MFN2: variants seen among roughly 807,000 people sequenced by gnomAD.
MFN2 encodes the protein mitofusin-2.
In MFN2, 43 loss-of-function variants were observed where a neutral mutation model predicts 87.5. The observed-to-expected ratio is 0.49, with a 90% CI of 0.38 to 0.63. MFN2 has a LOEUF of 0.63. Ranked by LOEUF, MFN2 falls within the 30% of genes least tolerant of loss-of-function variation. MFN2 has a pLI of 0.00. For synonymous variants in MFN2, 337 were observed against 359.9 expected (o/e 0.94, Z 0.72); for missense variants, 743 against 972.8 (o/e 0.76, Z 3.14).
At chr1:12,007,030 C>T (rs1265291235) in intron 16 of MFN2, 23 bp from the exon 17 acceptor site, 10 of 1,612,644 alleles carry the variant, frequency 6.2e-6, no homozygotes, top group Admixed American at 1.7e-5. Flanking sequence ...GGCTGCACTC[C>T]AGGCTGACCA....
intron 18 of MFN2, among the ~76,000 whole-genome samples, chr1:12,011,212 C>T (rs770949888): frequency 3.3e-5 from 5 of 152,152 alleles, no homozygotes; most frequent in East Asian, 3.9e-4. Flanking sequence ...ACTGAGTTCC[C>T]GACAGCTCAG....
rs749652300 is a variant in MFN2, at chr1:12,002,029, G to A, written c.1086G>A (p.Thr362=). 5.0e-6 allele frequency: 8 copies of A among 1,614,200 alleles called. No homozygotes were observed. Among genetic ancestry groups the A allele is most frequent in the Non-Finnish European group, 6.8e-6 (8 of 1,180,044 alleles). The change falls in exon 11 of 19, where the codon ACG becomes ACA. Residue 362 remains threonine (T), a synonymous_variant. Coordinates refer to ENST00000235329, the MANE Select transcript of MFN2 (RefSeq NM_014874.4). ...TGAAGACCAAGTTTGAGCAGCACAC[G>A]GTCCGGGCCAAGCAGATTGCAGAGG... ...SAVKTKFEQH[T]VRAKQIAEAV... is the part of the protein sequence containing the mutation.
chr1:12,001,905 A>G (rs2100840635), intron 10 of MFN2, 69 bp downstream of exon 10: 1 of 1,614,050 alleles, frequency 6.2e-7, no homozygotes, highest in South Asian at 1.1e-5. Flanking sequence ...TGTCCCTGGC[A>G]GTGAAAACCA....
At chr1:11,982,224 G>A (rs540789838) in intron 2 of MFN2, 110 bp downstream of exon 2, 1 of 152,282 alleles carries the variant, frequency 6.6e-6, no homozygotes, top group South Asian at 2.1e-4. Context: ...TCTTTGTATA[G>A]AGCCACAGCT....
At chr1:11,985,825 T>A (rs974994066) in intron 2 of MFN2, among the ~76,000 whole-genome samples, 4 of 152,154 alleles carry the variant, frequency 2.6e-5, no homozygotes, top group African/African-American at 9.7e-5. Context: ...CCACATCCCC[T>A]CTTTCTCGAA....
At chr1:11,986,240 C>G (rs1436619639) in intron 2 of MFN2, among the ~76,000 whole-genome samples, 1 of 152,186 alleles carries the variant, frequency 6.6e-6, no homozygotes, top group Non-Finnish European at 1.5e-5. Context: ...TTTTCAGGAC[C>G]TTGTGCAACA....
rs1273100262 is a variant in MFN2, at chr1:12,012,022, A to G, written c.*457A>G. The G allele has an allele frequency of 2.8e-5, 6 of 217,950 alleles. No individual in the cohort carries two copies. Among genetic ancestry groups the G allele is most frequent in the Non-Finnish European group, 4.7e-5 (5 of 105,974 alleles). 13.5% of individuals were successfully genotyped at this position (217,950 alleles called of 1,614,324 possible). On this transcript the variant is annotated 3_prime_UTR_variant, in exon 19 of 19. Coordinates refer to ENST00000235329, the MANE Select transcript of MFN2 (RefSeq NM_014874.4). ...TAAGGGACGATTGGAGTTTCTTCCC[A>G]GAGAGTCTGTCCCAGAAGGACTGTG...
intron 2 of MFN2, among the ~76,000 whole-genome samples, chr1:11,983,580 C>T (rs768332480): frequency 2.0e-5 from 3 of 152,146 alleles, no homozygotes; most frequent in African/African-American, 7.2e-5. Context: ...TCAGGCTATG[C>T]TTGCAGGATG....
chr1:12,000,471 T>C (rs1639124197), intron 8 of MFN2, among the ~76,000 whole-genome samples: 1 of 152,190 alleles, frequency 6.6e-6, no homozygotes, highest in African/African-American at 2.4e-5. Context: ...ATTACGGGCG[T>C]GAGCCACTGT....
intron 18 of MFN2, among the ~76,000 whole-genome samples, chr1:12,009,961 C>G (rs1485069215): frequency 6.6e-6 from 1 of 152,202 alleles, no homozygotes; most frequent in African/African-American, 2.4e-5. Context: ...TGAGACTAGC[C>G]TGACCAACAT....
chr1:11,993,895 T>C (rs1037127241), intron 4 of MFN2, among the ~76,000 whole-genome samples: 1 of 152,216 alleles, frequency 6.6e-6, no homozygotes, highest in Admixed American at 6.5e-5. Flanking sequence ...AAAATGAGTG[T>C]AGCAAAAATA....
At chr1:11,989,843 T>G (rs1638598309) in intron 3 of MFN2, among the ~76,000 whole-genome samples, 1 of 152,182 alleles carries the variant, frequency 6.6e-6, no homozygotes, top group Admixed American at 6.6e-5. Context: ...ACCTATGCCT[T>G]TTCTACTAGT....
chr1:12,010,826 C>T (rs948185369), intron 18 of MFN2, among the ~76,000 whole-genome samples: 4 of 152,002 alleles, frequency 2.6e-5, no homozygotes, highest in African/African-American at 9.7e-5. Flanking sequence ...ATGATAACAT[C>T]AGCACACGGG....
At chr1:11,998,508 A>C (rs1234207303) in intron 6 of MFN2, among the ~76,000 whole-genome samples, 2 of 152,094 alleles carry the variant, frequency 1.3e-5, no homozygotes, top group African/African-American at 4.8e-5. Context: ...AGATCGTGCC[A>C]TTGCACTCCA....
intron 3 of MFN2, among the ~76,000 whole-genome samples, chr1:11,990,424 C>T (rs1638626531): frequency 6.6e-6 from 1 of 152,184 alleles, no homozygotes; most frequent in African/African-American, 2.4e-5. Context: ...TATGGTGTGC[C>T]AGCCGTGTGC....
Position 12,009,579 on chromosome 1 carries a change from C to T in MFN2, c.2070-13C>T, listed in dbSNP as rs1359464341. 6 of 1,614,108 alleles carry T rather than the reference C, an allele frequency of 3.7e-6. No homozygotes were observed. The East Asian group carries it at 1.3e-4, about 36-fold the overall frequency. ...CACACACCCCAACTGGGTCCCTTCT[C>T]TCTCCTCCCCAGGGAACTGTCTGGG... On this transcript the variant is annotated splice_polypyrimidine_tract_variant and intron_variant, in intron 17 of 18. Coordinates refer to ENST00000235329, the MANE Select transcript of MFN2 (RefSeq NM_014874.4).
At chr1:11,992,213 A>G (rs1160487514) in intron 3 of MFN2, 1 of 301,424 alleles carries the variant, frequency 3.3e-6, no homozygotes. Context: ...TTGTGTTTCA[A>G]TTCGTTTGAT....
chr1:12,010,307 C>G (rs1639637252), intron 18 of MFN2, among the ~76,000 whole-genome samples: 1 of 152,246 alleles, frequency 6.6e-6, no homozygotes, highest in South Asian at 2.1e-4. Flanking sequence ...TCACAGCGCC[C>G]TGTGCTGAAC....
intron 17 of MFN2, among the ~76,000 whole-genome samples, chr1:12,008,396 A>G (rs1467456893): frequency 7.5e-6 from 1 of 134,168 alleles, no homozygotes; most frequent in Non-Finnish European, 1.6e-5. Context: ...TCCCTCCCGG[A>G]CGGGGTGGCT....
Sources: gnomAD v4.1 joint callset for allele counts (sites outside exome capture counted in the v4.1 genomes callset) on GRCh38, gnomAD v4.1.1 for gene constraint, MANE v1.5 for transcripts, NCBI Gene and HGNC (gene_info 2026-07-23, HGNC 2026-07-21) for gene names.